The following DAP variants were observed in gnomAD, a reference collection of about 807,000 sequenced individuals.
DAP encodes the protein death associated protein.
DAP carries 8 observed loss-of-function variants against 13.8 expected under a neutral mutation model. The ratio of observed to expected loss-of-function variants is 0.58; its 90% CI spans 0.34 to 1.05. The LOEUF is 1.05. Among genes scored for constraint, DAP ranks in the 50% least tolerant of loss-of-function variants. The probability of loss-of-function intolerance (pLI) is 0.03; values close to 1 mark genes in which losing one functional copy is unlikely to be tolerated. For synonymous variants in DAP, 47 were observed against 47.5 expected (o/e 0.99, Z 0.04); for missense variants, 106 against 133.2 (o/e 0.80, Z 1.01).
At chr5:10,692,126 A>G (rs1332809118) in intron 2 of DAP, among the ~76,000 whole-genome samples, 1 of 152,128 alleles carries the variant, frequency 6.6e-6, no homozygotes, top group Non-Finnish European at 1.5e-5. Context: ...GAGAAACCCA[A>G]ATTCATAGTT....
At chr5:10,754,935 A>T (rs2399965) in intron 1 of DAP, among the ~76,000 whole-genome samples, 7 of 151,988 alleles carry the variant, frequency 4.6e-5, no homozygotes, top group African/African-American at 1.7e-4. Flanking sequence ...GGAACCTGTG[A>T]GTGTGCTGGG....
chr5:10,712,559 T>C (rs1009078797), intron 2 of DAP, among the ~76,000 whole-genome samples: 2 of 152,070 alleles, frequency 1.3e-5, no homozygotes, highest in African/African-American at 4.8e-5. Context: ...TTCTGGCCTC[T>C]CAGGTCCTGA....
intron 2 of DAP, among the ~76,000 whole-genome samples, chr5:10,714,878 C>T (rs1738942786): frequency 6.6e-6 from 1 of 152,186 alleles, no homozygotes; most frequent in African/African-American, 2.4e-5. Context: ...CCTTTGCCTT[C>T]TGCCTGATTG....
At chr5:10,755,154 G>C (rs1004545727) in intron 1 of DAP, among the ~76,000 whole-genome samples, 7 of 152,334 alleles carry the variant, frequency 4.6e-5, no homozygotes, top group African/African-American at 1.7e-4. Context: ...TCAGGGCTCT[G>C]AGTGTGTGAT....
chr5:10,755,879 G>C (rs1740171184), intron 1 of DAP, among the ~76,000 whole-genome samples: 1 of 152,234 alleles, frequency 6.6e-6, no homozygotes, highest in Non-Finnish European at 1.5e-5. Flanking sequence ...TGGGTGCGGT[G>C]GCTCATGCCT....
At chr5:10,755,014 GGAA>G (rs1255467359) in intron 1 of DAP, among the ~76,000 whole-genome samples, 1 of 152,188 alleles carries the variant, frequency 6.6e-6, no homozygotes, top group African/African-American at 2.4e-5. Context: ...TGTAAGCTGA[GGAA>G]GAAGAAGGGA....
In DAP at chr5:10,713,974, T is replaced by A. The variant is rs572347522; in HGVS notation, c.153-30403A>T. Among the ~76,000 whole-genome samples the A allele has an allele frequency of 4.6e-5, 7 of 152,342 alleles. No individual in the cohort carries two copies. The South Asian group carries it at 1.4e-3, about 32-fold the overall frequency. On this transcript the variant is annotated intron_variant, in intron 2 of 3. Coordinates refer to ENST00000230895, the MANE Select transcript of DAP (RefSeq NM_004394.3). ...GCAGCAAAGCAGCCTTGCAATGGAA[T>A]CACTTAAACTAGGCCGTGGGTTCTT...
chr5:10,727,022 A>T (rs1221689317), intron 2 of DAP, among the ~76,000 whole-genome samples: 2 of 152,224 alleles, frequency 1.3e-5, no homozygotes. Flanking sequence ...ACAGAGACTT[A>T]GCTTGATCCT....
intron 2 of DAP, among the ~76,000 whole-genome samples, chr5:10,689,513 A>C (rs1284520651): frequency 6.6e-6 from 1 of 152,144 alleles, no homozygotes; most frequent in Non-Finnish European, 1.5e-5. Context: ...CTTTGTGCTG[A>C]GTCATGACTG....
intron 2 of DAP, among the ~76,000 whole-genome samples, chr5:10,715,760 G>A (rs1355960969): frequency 1.3e-5 from 2 of 152,184 alleles, no homozygotes; most frequent in African/African-American, 2.4e-5. Context: ...CAGGGAGGCT[G>A]TTAGCCTCAT....
chr5:10,737,596 T>C (rs527481471), intron 2 of DAP, among the ~76,000 whole-genome samples: 8 of 152,320 alleles, frequency 5.3e-5, no homozygotes, highest in Non-Finnish European at 4.4e-5. Context: ...TGGCTAAAGA[T>C]AAAAATTCCC....
intron 2 of DAP, among the ~76,000 whole-genome samples, chr5:10,686,497 G>GGAGT (rs761182074): frequency 8.5e-5 from 13 of 152,296 alleles, no homozygotes; most frequent in Non-Finnish European, 1.3e-4. Flanking sequence ...AGTGAGCACT[G>GGAGT]GAGTGAGTGA....
At chr5:10,757,813 G>T (rs1173487433) in intron 1 of DAP, among the ~76,000 whole-genome samples, 1 of 152,250 alleles carries the variant, frequency 6.6e-6, no homozygotes, top group South Asian at 2.1e-4. Context: ...TGCTATGGGG[G>T]CAGTGAGGGG....
At chr5:10,721,495 T>C (rs1167274065) in intron 2 of DAP, among the ~76,000 whole-genome samples, 1 of 152,142 alleles carries the variant, frequency 6.6e-6, no homozygotes, top group African/African-American at 2.4e-5. Flanking sequence ...CCAGACTCTC[T>C]AGATGAAATC....
chr5:10,750,875 C>T lies in DAP; in HGVS notation c.56-2604G>A, dbSNP rs560988077. Among the ~76,000 whole-genome samples, 4 of 152,302 alleles carry T rather than the reference C, an allele frequency of 2.6e-5. No homozygotes were observed. The East Asian group carries it at 7.7e-4, about 29-fold the overall frequency. On this transcript the variant is annotated intron_variant, in intron 1 of 3. Transcript: ENST00000230895. ...CAGACAGCAACCCTCTGGGGAGATGCTACACGTGTTTTTGTCAGGCCAGGA... is the reference window on the plus strand; with the variant it reads ...CAGACAGCAACCCTCTGGGGAGATGTTACACGTGTTTTTGTCAGGCCAGGA...
At chr5:10,715,187 G>A (rs1017905209) in intron 2 of DAP, among the ~76,000 whole-genome samples, 1 of 152,152 alleles carries the variant, frequency 6.6e-6, no homozygotes, top group Non-Finnish European at 1.5e-5. Context: ...GAGAGGAGGA[G>A]GCCCCAAATG....
rs559211930 is a variant in DAP at position 10,717,696 on chromosome 5, G to A, written c.152+30479C>T. Among the ~76,000 whole-genome samples the A allele has an allele frequency of 2.2e-3, 329 of 152,294 alleles. 2 individuals carry two copies. The highest frequency in any genetic ancestry group is 4.0e-3 in the Non-Finnish European group (273 of 68,026). On this transcript the variant is annotated intron_variant, in intron 2 of 3. Transcript: ENST00000230895. The stretch of plus-strand genomic sequence containing the variant: ...CTCTGTTTGCTAATTAGATACCAAG[G>A]TGGCAGGGGCCAAGTGGCAGCACTC...
intron 2 of DAP, among the ~76,000 whole-genome samples, chr5:10,711,500 C>T (rs1230962180): frequency 1.3e-5 from 2 of 152,234 alleles, no homozygotes; most frequent in African/African-American, 4.8e-5. Context: ...TCTGAGGACA[C>T]ACGTGCACCT....
intron 2 of DAP, among the ~76,000 whole-genome samples, chr5:10,720,740 G>A (rs909097603): frequency 3.9e-5 from 6 of 152,196 alleles, no homozygotes; most frequent in African/African-American, 7.2e-5. Context: ...ACCATTCCTC[G>A]GGGTGATCAG....
Sources: allele counts gnomAD v4.1 joint callset (sites outside exome capture counted in the v4.1 genomes callset), GRCh38; gene constraint gnomAD v4.1.1; transcripts MANE v1.5; gene names NCBI Gene and HGNC (gene_info 2026-07-23, HGNC 2026-07-21).